The following FOXP2 variants were observed in gnomAD, a reference collection of about 807,000 sequenced individuals.
FOXP2 encodes the protein forkhead box P2.
A neutral mutation model predicts 115.8 loss-of-function variants in FOXP2; 12 were observed. That is an observed-to-expected ratio of 0.10 (90% CI 0.07 to 0.17). The LOEUF is 0.17. FOXP2 is among the 10% of genes least tolerant of loss of function. FOXP2 has a pLI of 1.00. For missense variants in FOXP2, 629 were observed against 843.5 expected, an observed-to-expected ratio of 0.75 and a Z score of 3.15; for synonymous variants, 328 against 297.7, an observed-to-expected ratio of 1.10 and a Z score of -1.05.
chr7:114,275,089 T>C (rs1201284365), intron 1 of FOXP2, among the ~76,000 whole-genome samples: 2 of 152,092 alleles, frequency 1.3e-5, no homozygotes, highest in Non-Finnish European at 2.9e-5. Flanking sequence ...GGACTTTTTT[T>C]TTCTTTTTCT....
At chr7:114,570,742 C>T (rs558446693) in intron 3 of FOXP2, 90 of 1,174,878 alleles carry the variant, frequency 7.7e-5, no homozygotes, top group Middle Eastern at 1.9e-4. Flanking sequence ...TGATAATGTA[C>T]GTTATTAGCA....
In FOXP2 at chr7:114,631,482, A is replaced by G. The variant is rs1401581914; in HGVS notation, c.598-46A>G. ...TTCCCTGTAAGAGAGCTGTTTGTAC[A>G]GACCATGTTCTCTGCTGTTTACTGG... is the stretch of plus-strand genomic sequence containing the variant. On this transcript the variant is annotated intron_variant, in intron 5 of 16. Coordinates refer to ENST00000350908, the MANE Select transcript of FOXP2 (RefSeq NM_014491.4). 3.9e-6 allele frequency: 6 copies of G among 1,551,110 alleles called. No homozygotes were observed. In the Admixed American group the frequency reaches 1.2e-4, roughly 30 times the overall value.
At chr7:114,476,676 A>G (rs1317533263) in intron 2 of FOXP2, among the ~76,000 whole-genome samples, 1 of 151,902 alleles carries the variant, frequency 6.6e-6, no homozygotes, top group Non-Finnish European at 1.5e-5. Context: ...GGTAATTGAT[A>G]GGAATAGTGT....
intron 1 of FOXP2, among the ~76,000 whole-genome samples, chr7:114,415,978 C>T (rs913010444): frequency 2.0e-5 from 3 of 151,848 alleles, no homozygotes; most frequent in African/African-American, 4.8e-5. Context: ...ATATATATTT[C>T]CAGGAATACA....
At chr7:114,656,413 G>T (rs1806592158) in intron 10 of FOXP2, 3 of 383,474 alleles carry the variant, frequency 7.8e-6, no homozygotes, top group Non-Finnish European at 1.6e-5. Context: ...ACATTGTTAT[G>T]TATATGTTCT....
At chr7:114,423,909 C>T (rs1468626769) in intron 1 of FOXP2, among the ~76,000 whole-genome samples, 1 of 151,304 alleles carries the variant, frequency 6.6e-6, no homozygotes, top group Admixed American at 6.6e-5. Context: ...ACACAATCAC[C>T]CTTCTTTTTT....
At chr7:114,573,067 G>A (rs1321036161) in intron 3 of FOXP2, among the ~76,000 whole-genome samples, 1 of 151,726 alleles carries the variant, frequency 6.6e-6, no homozygotes, top group Non-Finnish European at 1.5e-5. Context: ...AGTGAGGTCT[G>A]GTATGGCTGG....
At chr7:114,416,192 G>C (rs1444075571) in intron 1 of FOXP2, 2 of 151,980 alleles carry the variant, frequency 1.3e-5, no homozygotes, top group Non-Finnish European at 2.9e-5. Flanking sequence ...GTAATTGCCT[G>C]ATGACAACTG....
chr7:114,296,877 C>G (rs1200491660), intron 2 of FOXP2, among the ~76,000 whole-genome samples: 1 of 152,160 alleles, frequency 6.6e-6, no homozygotes, highest in Admixed American at 6.5e-5. Context: ...TATAAAGATT[C>G]TGTCACATTA....
chr7:114,346,270 A>G (rs1791345419), intron 2 of FOXP2, among the ~76,000 whole-genome samples: 1 of 151,840 alleles, frequency 6.6e-6, no homozygotes, highest in South Asian at 2.1e-4. Flanking sequence ...AAATGGAATC[A>G]TCATATCAAG....
At chr7:114,564,321 A>G (rs927326243) in intron 3 of FOXP2, among the ~76,000 whole-genome samples, 4 of 152,132 alleles carry the variant, frequency 2.6e-5, no homozygotes, top group Admixed American at 1.3e-4. Context: ...CCTTCTTTCA[A>G]TATGGTCAAA....
At chr7:114,100,326 G>A (rs1278041707) in intron 1 of FOXP2, among the ~76,000 whole-genome samples, 1 of 152,030 alleles carries the variant, frequency 6.6e-6, no homozygotes, top group African/African-American at 2.4e-5. Context: ...CATATTTGCT[G>A]AAGTTTTCCT....
chr7:114,569,218 T>C (rs1249865082), intron 3 of FOXP2, among the ~76,000 whole-genome samples: 1 of 151,954 alleles, frequency 6.6e-6, no homozygotes, highest in Admixed American at 6.6e-5. Context: ...GTGGCTTGTT[T>C]TGATTTTAAC....
chr7:114,658,296 T>G, intron 11 of FOXP2, 29 bp downstream of exon 11: 1 of 1,607,404 alleles, frequency 6.2e-7, no homozygotes, highest in African/African-American at 1.3e-5. Flanking sequence ...GTAGAGCACT[T>G]TTACTTTGGG....
At chr7:114,680,693 C>T (rs567799155) in intron 16 of FOXP2, among the ~76,000 whole-genome samples, 8 of 150,886 alleles carry the variant, frequency 5.3e-5, no homozygotes, top group African/African-American at 1.9e-4. Flanking sequence ...TGCAGTGAGC[C>T]GAGATCGTGC....
At chr7:114,329,466 C>T (rs1439359331) in intron 2 of FOXP2, among the ~76,000 whole-genome samples, 4 of 148,320 alleles carry the variant, frequency 2.7e-5, no homozygotes, top group Non-Finnish European at 5.9e-5. Flanking sequence ...TTGCAGTGAG[C>T]CGAGATCGTG....
In FOXP2 at chr7:114,629,897, GCAGCAACAACAGCAGCAGCAACAA is replaced by G; in HGVS notation, c.492_515del (p.Gln184_Gln191del). 2 of 1,605,464 alleles carry G rather than the reference GCAGCAACAACAGCAGCAGCAACAA, an allele frequency of 1.2e-6. No homozygotes were observed. Among genetic ancestry groups the G allele is most frequent in the Admixed American group, 3.4e-5 (2 of 59,150 alleles). ...AGCAACAGCAGCAGCAGCAACAACA[GCAGCAACAACAGCAGCAGCAACAA>G]CAACAACAACAGCAGCAACAACAGC... On this transcript the variant is annotated inframe_deletion, in exon 5 of 17. Transcript: ENST00000350908.
At position 114,329,364 on chromosome 7, in the gene FOXP2, A is replaced by G. The variant is rs1797637227; in HGVS notation, c.-11+41255A>G. 2.6e-5 allele frequency among the ~76,000 whole-genome samples: 4 copies of G among 151,852 alleles called. No homozygotes were observed. In the South Asian group the frequency reaches 8.3e-4, roughly 32 times the overall value. ...GAAACCTGGTCTCTACTAAAAATAG[A>G]AAAAATTAGCTGGGCATAGTGGCGG... On this transcript the variant is annotated intron_variant, in intron 2 of 17. Transcript: ENST00000634411.
At chr7:114,634,019 G>A (rs1362293424) in intron 6 of FOXP2, among the ~76,000 whole-genome samples, 2 of 150,750 alleles carry the variant, frequency 1.3e-5, no homozygotes, top group East Asian at 3.9e-4. Context: ...TTTTTTTGAG[G>A]AGTCTCACTC....
Sources: gnomAD v4.1 joint callset for allele counts (sites outside exome capture counted in the v4.1 genomes callset) on GRCh38, gnomAD v4.1.1 for gene constraint, MANE v1.5 for transcripts, NCBI Gene and HGNC (gene_info 2026-07-23, HGNC 2026-07-21) for gene names.